IMPA2: variants seen among roughly 807,000 people sequenced by gnomAD.
IMPA2 encodes IMP 2.
In IMPA2, 32 loss-of-function variants were observed where a neutral mutation model predicts 35.1. That is an observed-to-expected ratio of 0.91 (90% CI 0.69 to 1.23). The LOEUF (loss-of-function observed/expected upper bound fraction) is 1.23. Ranked by LOEUF, IMPA2 falls within the 50% of genes most tolerant of loss-of-function variation. IMPA2 has a pLI of 0.00. For missense variants in IMPA2, 334 were observed against 387.6 expected, an observed-to-expected ratio of 0.86 and a Z score of 1.16; for synonymous variants, 135 against 160.6, an observed-to-expected ratio of 0.84 and a Z score of 1.20.
intron 4 of IMPA2, among the ~76,000 whole-genome samples, chr18:12,012,605 A>G (rs927100221): frequency 1.3e-5 from 2 of 152,216 alleles, no homozygotes; most frequent in African/African-American, 4.8e-5. Context: ...CAATATTCTA[A>G]TAATTCTTTC....
At chr18:12,007,662 TCTTTCTTTCTTTCTTTCCTTTCTTTC>T (rs1907308006) in intron 2 of IMPA2, among the ~76,000 whole-genome samples, 1 of 137,726 alleles carries the variant, frequency 7.3e-6, no homozygotes, top group Non-Finnish European at 1.5e-5. Flanking sequence ...TTTCTTTCTT[TCTTTCTTTCTTTCTTTCCTTTCTTTC>T]CTTTCTTTCC....
At chr18:11,992,258 G>A (rs1485541292) in intron 1 of IMPA2, among the ~76,000 whole-genome samples, 1 of 152,204 alleles carries the variant, frequency 6.6e-6, no homozygotes, top group Non-Finnish European at 1.5e-5. Context: ...CATAAACATG[G>A]GGCGTGTCGT....
intron 1 of IMPA2, among the ~76,000 whole-genome samples, chr18:11,995,355 C>A (rs969650896): frequency 1.3e-5 from 2 of 152,204 alleles, no homozygotes; most frequent in East Asian, 1.9e-4. Context: ...AGTTGCAGGT[C>A]TTGCTTTCAG....
intron 1 of IMPA2, among the ~76,000 whole-genome samples, chr18:11,988,942 C>T (rs1002515948): frequency 2.6e-5 from 4 of 152,184 alleles, no homozygotes; most frequent in Non-Finnish European, 4.4e-5. Context: ...CCACCTCAGC[C>T]TCCTGAGTAG....
chr18:12,003,650 TAA>T (rs77016043), intron 2 of IMPA2, among the ~76,000 whole-genome samples: 9 of 80,016 alleles, frequency 1.1e-4, no homozygotes, highest in Admixed American at 4.3e-4. Context: ...GACTCCATCT[TAA>T]AAAAAAAAAA....
At position 11,981,519 on chromosome 18, in the gene IMPA2, C is replaced by G. The variant is rs1906494019; in HGVS notation, c.-151C>G. 1 of 461,804 alleles carries G rather than the reference C, an allele frequency of 2.2e-6. No individual in the cohort carries two copies. The highest frequency in any genetic ancestry group is 3.5e-6 in the Non-Finnish European group (1 of 287,146). The allele number at this position is 461,804 out of a possible 1,614,324, so 28.6% of individuals were successfully genotyped here. ...GCGGCCCGCTGGCTGCCCTTCCCGC[C>G]AGCGCAGGTGTGGGACGGGCGGCGG... On this transcript the variant is annotated 5_prime_UTR_variant, in exon 1 of 8. Transcript: ENST00000269159.
intron 1 of IMPA2, among the ~76,000 whole-genome samples, chr18:11,997,559 A>G (rs1906995267): frequency 6.6e-6 from 1 of 152,204 alleles, no homozygotes; most frequent in Non-Finnish European, 1.5e-5. Flanking sequence ...GGATGTAGGC[A>G]GTGAGAAGAG....
intron 5 of IMPA2, among the ~76,000 whole-genome samples, chr18:12,027,319 C>T (rs1001855993): frequency 6.6e-6 from 1 of 152,196 alleles, no homozygotes; most frequent in African/African-American, 2.4e-5. Context: ...CTGGCAGCCT[C>T]GCCTGCTGTT....
rs1908008588 is a variant in IMPA2 at position 12,030,246 on chromosome 18, A to T, written c.752-97A>T. The T allele has an allele frequency of 4.6e-6, 4 of 872,804 alleles. No individual in the cohort carries two copies. In the East Asian group the frequency reaches 1.0e-4, roughly 23 times the overall value. The allele number at this position is 872,804 out of a possible 1,614,324, so 54.1% of individuals were successfully genotyped here. On this transcript the variant is annotated intron_variant, in intron 7 of 7. Coordinates refer to ENST00000269159, the MANE Select transcript of IMPA2 (RefSeq NM_014214.3). ...GGGCTTGGGCACGGTTCCATGTGCC[A>T]TTTCCTGTGCTGTGTGCATGTGGGA...
chr18:12,004,907 G>A (rs563446144), intron 2 of IMPA2, among the ~76,000 whole-genome samples: 28 of 152,276 alleles, frequency 1.8e-4, no homozygotes, highest in African/African-American at 6.3e-4. Context: ...AGTCATGTCT[G>A]CAGAGCAGAC....
At chr18:11,983,877 T>C (rs955598736) in intron 1 of IMPA2, among the ~76,000 whole-genome samples, 1 of 152,078 alleles carries the variant, frequency 6.6e-6, no homozygotes, top group Admixed American at 6.5e-5. Context: ...AGAAAACATA[T>C]CCTTTAGCCA....
intron 1 of IMPA2, among the ~76,000 whole-genome samples, chr18:11,982,132 GC>G (rs953483702): frequency 6.6e-6 from 1 of 152,158 alleles, no homozygotes; most frequent in African/African-American, 2.4e-5. Context: ...CCGGGGCTAA[GC>G]CCCAGCCGCG....
chr18:11,999,267 G>A, intron 2 of IMPA2, 80 bp downstream of exon 2: 1 of 1,412,756 alleles, frequency 7.1e-7, no homozygotes, highest in African/African-American at 1.4e-5. Context: ...GGGGTCAGGG[G>A]GCTCTGCTGT....
chr18:11,982,397 C>T (rs1160486111), intron 1 of IMPA2, among the ~76,000 whole-genome samples: 1 of 152,190 alleles, frequency 6.6e-6, no homozygotes, highest in Non-Finnish European at 1.5e-5. Context: ...TTCCACTTTC[C>T]TCAGTACCTT....
intron 1 of IMPA2, among the ~76,000 whole-genome samples, chr18:11,997,027 CAG>C (rs1568029216): frequency 6.6e-6 from 1 of 152,102 alleles, no homozygotes; most frequent in Admixed American, 6.6e-5. Flanking sequence ...GAGATACACA[CAG>C]AGACACACAC....
At position 12,004,247 on chromosome 18, in the gene IMPA2, A is replaced by G. The variant is rs184602745; in HGVS notation, c.230+5060A>G. On this transcript the variant is annotated intron_variant, in intron 2 of 7. Coordinates refer to ENST00000269159, the MANE Select transcript of IMPA2 (RefSeq NM_014214.3). ...GGGATGATCCTGACCTTCTTGTCAC[A>G]GACTAAACAGACTAAGTAGCCAGAA... 9.8e-4 allele frequency among the ~76,000 whole-genome samples: 149 copies of G among 152,306 alleles called. 1 individual carries two copies. The highest frequency in any genetic ancestry group is 6.8e-3 in the Middle Eastern group (2 of 294).
chr18:11,990,579 C>T (rs1020751153), intron 1 of IMPA2, among the ~76,000 whole-genome samples: 6 of 151,950 alleles, frequency 3.9e-5, no homozygotes, highest in Non-Finnish European at 7.4e-5. Flanking sequence ...GTGTCCTGCT[C>T]GAACTGATGG....
Position 12,025,657 on chromosome 18 carries a change from G to A in IMPA2, c.491-2386G>A, listed in dbSNP as rs553445480. On this transcript the variant is annotated intron_variant, in intron 5 of 7. Transcript: ENST00000269159. Reference sequence around the variant, plus strand: ...TGCAGTGGTGTGATCTTGGCTAACCGCAACGTCTGTCTCCCAGGTTCAAGC... The same window carrying A: ...TGCAGTGGTGTGATCTTGGCTAACCACAACGTCTGTCTCCCAGGTTCAAGC... Among the ~76,000 whole-genome samples the A allele has an allele frequency of 1.5e-4, 23 of 152,320 alleles. No individual in the cohort carries two copies. The South Asian group carries it at 1.7e-3, about 11-fold the overall frequency.
chr18:12,013,826 G>C (rs930735046), intron 4 of IMPA2, among the ~76,000 whole-genome samples: 5 of 152,204 alleles, frequency 3.3e-5, no homozygotes, highest in Non-Finnish European at 7.3e-5. Flanking sequence ...TTGGGCTTCT[G>C]AGATTCCGCT....
Sources: allele counts gnomAD v4.1 joint callset (sites outside exome capture counted in the v4.1 genomes callset), GRCh38; gene constraint gnomAD v4.1.1; transcripts MANE v1.5; gene names NCBI Gene and HGNC (gene_info 2026-07-23, HGNC 2026-07-21).